WASF3: variants seen among roughly 807,000 people sequenced by gnomAD.
The protein encoded by WASF3 is WASP family member 3, also known as actin-binding protein WASF3.
A neutral mutation model predicts 46.6 loss-of-function variants in WASF3; 11 were observed. The ratio of observed to expected loss-of-function variants is 0.24; its 90% CI spans 0.15 to 0.39. WASF3 has a LOEUF of 0.39. Among genes scored for constraint, WASF3 ranks in the 10% least tolerant of loss-of-function variants. The pLI is 1.00. For synonymous variants in WASF3, 242 were observed against 259.7 expected (o/e 0.93, Z 0.65); for missense variants, 576 against 669.8 (o/e 0.86, Z 1.55).
chr13:26,653,963 A>G lies in WASF3; in HGVS notation c.134-11065A>G, dbSNP rs1299322615. ...TAGCAAGTGGAAGCTCTCCTCTTACAGTGCTTTTGATTGTCTTCTTTCTCT... is the reference window on the plus strand; with the variant it reads ...TAGCAAGTGGAAGCTCTCCTCTTACGGTGCTTTTGATTGTCTTCTTTCTCT... On this transcript the variant is annotated intron_variant, in intron 3 of 9. Coordinates refer to ENST00000335327, the MANE Select transcript of WASF3 (RefSeq NM_006646.6). Among the ~76,000 whole-genome samples, 4 of 152,310 alleles carry G rather than the reference A, an allele frequency of 2.6e-5. No individual in the cohort carries two copies. The East Asian group carries it at 7.7e-4, about 29-fold the overall frequency.
chr13:26,642,062 T>C, intron 2 of WASF3, 199 bp from the exon 3 acceptor site: 1 of 379,408 alleles, frequency 2.6e-6, no homozygotes, highest in Non-Finnish European at 4.6e-6. Flanking sequence ...GAAGTGAGAT[T>C]ATACTATACA....
intron 3 of WASF3, among the ~76,000 whole-genome samples, chr13:26,661,918 G>A (rs1882643551): frequency 6.6e-6 from 1 of 152,142 alleles, no homozygotes; most frequent in Admixed American, 6.5e-5. Context: ...AAGCACTTGG[G>A]CTTTGGTCTG....
intron 2 of WASF3, among the ~76,000 whole-genome samples, chr13:26,637,510 G>A (rs1347139658): frequency 6.6e-6 from 1 of 152,202 alleles, no homozygotes; most frequent in Admixed American, 6.5e-5. Flanking sequence ...AATTCAGATG[G>A]TGGCGAAGAC....
At chr13:26,665,744 TCAG>T (rs1882751621) in intron 4 of WASF3, among the ~76,000 whole-genome samples, 1 of 152,238 alleles carries the variant, frequency 6.6e-6, no homozygotes, top group South Asian at 2.1e-4. Flanking sequence ...CCTGAAATTG[TCAG>T]TTTCAACAAA....
In WASF3 at chr13:26,581,986, C is replaced by A. The variant is rs140806980; in HGVS notation, c.-109+24167C>A. On this transcript the variant is annotated intron_variant, in intron 1 of 9. Coordinates refer to ENST00000335327, the MANE Select transcript of WASF3 (RefSeq NM_006646.6). ...GTTTATAGACAGTAAATTCTATAAT[C>A]GATGAGCTTCCTCTTTAGAAGTTCT... Among the ~76,000 whole-genome samples, 366 of 152,276 alleles carry A rather than the reference C, an allele frequency of 2.4e-3. 2 individuals carry two copies. Among genetic ancestry groups the A allele is most frequent in the African/African-American group, 8.5e-3 (354 of 41,544 alleles).
the WASF3 span, among the ~76,000 whole-genome samples, chr13:26,548,796 G>A: frequency 6.6e-6 from 1 of 152,064 alleles, no homozygotes; most frequent in African/African-American, 2.4e-5. Flanking sequence ...CAGCCCTGCA[G>A]TGCCCTTCTC....
intron 2 of WASF3, among the ~76,000 whole-genome samples, chr13:26,636,518 C>T (rs1881826411): frequency 6.6e-6 from 1 of 152,388 alleles, no homozygotes; most frequent in Non-Finnish European, 1.5e-5. Flanking sequence ...GGGCTGCACC[C>T]ACTGTCCAAC....
chr13:26,682,722 A>C lies in WASF3; in HGVS notation c.1099A>C (p.Met367Leu). ...TAFVSPLQMPMQPPFPASASS... is the reference protein window; with the variant it reads ...TAFVSPLQMPLQPPFPASASS... ...CTTCGTCAGCCCTCTCCAGATGCCC[A>C]TGCAGCCCCCGTTCCCTGCATCAGC... Residue 367 changes from methionine (M) to leucine (L), a missense_variant, in exon 9 of 10, where the codon ATG (methionine) becomes CTG (leucine). Met to Leu is a conservative substitution (Grantham distance 15). Transcript: ENST00000335327. The surrounding 1 kb of genome is among the most constrained non-coding windows in gnomAD (Gnocchi z 4.4). The C allele has an allele frequency of 6.2e-7, 1 of 1,613,880 alleles. No homozygotes were observed. Among genetic ancestry groups the C allele is most frequent in the Non-Finnish European group, 8.5e-7 (1 of 1,179,980 alleles).
At chr13:26,665,653 AG>A (rs1882748824) in intron 4 of WASF3, among the ~76,000 whole-genome samples, 1 of 152,198 alleles carries the variant, frequency 6.6e-6, no homozygotes, top group Non-Finnish European at 1.5e-5. Flanking sequence ...ATTTACCGAA[AG>A]CCTTTAGGCT....
intron 1 of WASF3, among the ~76,000 whole-genome samples, chr13:26,598,235 C>T (rs1880534519): frequency 6.6e-6 from 1 of 152,144 alleles, no homozygotes; most frequent in Non-Finnish European, 1.5e-5. Flanking sequence ...AGCGTTTTTT[C>T]ATGTGTCTTT....
rs772660217 is a variant in WASF3, at chr13:26,671,854, C to A, written c.423-18C>A. The A allele has an allele frequency of 6.6e-7, 1 of 1,513,724 alleles. No homozygotes were observed. Among genetic ancestry groups the A allele is most frequent in the Admixed American group, 2.2e-5 (1 of 45,152 alleles). The allele number at this position is 1,513,724 out of a possible 1,614,324, so 93.8% of individuals were successfully genotyped here. ...TAACAATCTTTTCTTCCCTGACTTACAATACATTGATTTGTAGAGATGACA... is the reference window on the plus strand; with the variant it reads ...TAACAATCTTTTCTTCCCTGACTTAAAATACATTGATTTGTAGAGATGACA... On this transcript the variant is annotated intron_variant, in intron 5 of 9. Transcript: ENST00000335327.
At chr13:26,554,011 T>C (rs866462320), upstream of WASF3, among the ~76,000 whole-genome samples, 37 of 112,976 alleles carry the variant, frequency 3.3e-4, 2 homozygotes, top group Middle Eastern at 4.3e-3. Flanking sequence ...TCCTTTCCTT[T>C]CCTTCCCTTC....
chr13:26,597,313 T>A (rs1347319445), intron 1 of WASF3, among the ~76,000 whole-genome samples: 1 of 152,190 alleles, frequency 6.6e-6, no homozygotes, highest in African/African-American at 2.4e-5. Context: ...TTTTGTATTT[T>A]TAGTAGAGAT....
the WASF3 span, among the ~76,000 whole-genome samples, chr13:26,545,481 A>C: frequency 6.6e-6 from 1 of 151,764 alleles, no homozygotes; most frequent in African/African-American, 2.4e-5. Context: ...TTTACCTTTT[A>C]ATTCCTCGTT....
chr13:26,568,584 G>A (rs891452105), intron 1 of WASF3, among the ~76,000 whole-genome samples: 2 of 152,166 alleles, frequency 1.3e-5, no homozygotes, highest in East Asian at 1.9e-4. Flanking sequence ...AACCACGTGA[G>A]CAAGTGCTCA....
At chr13:26,681,352 C>T in intron 8 of WASF3, 32 bp downstream of exon 8, 4 of 1,517,274 alleles carry the variant, frequency 2.6e-6, no homozygotes, top group Non-Finnish European at 3.5e-6. Context: ...CCTAATCCCT[C>T]CTGGCCTTGC....
At chr13:26,668,004 G>A (rs963474978) in intron 5 of WASF3, among the ~76,000 whole-genome samples, 2 of 152,166 alleles carry the variant, frequency 1.3e-5, no homozygotes, top group African/African-American at 2.4e-5. Flanking sequence ...TTTTAGATTC[G>A]AAGTCAATTA....
At chr13:26,631,428 A>G (rs867960329) in intron 2 of WASF3, among the ~76,000 whole-genome samples, 7 of 152,210 alleles carry the variant, frequency 4.6e-5, no homozygotes, top group Non-Finnish European at 7.3e-5. Context: ...TTAAATAGGG[A>G]ATCCTTTCTC....
At chr13:26,649,033 T>C (rs17084428) in intron 3 of WASF3, among the ~76,000 whole-genome samples, 5,429 of 152,292 alleles carry the variant, frequency 0.036, 335 homozygotes, top group African/African-American at 0.12. Flanking sequence ...GAGCACAAGT[T>C]AGAGAGTCAG....
Sources: gnomAD v4.1 joint callset for allele counts (sites outside exome capture counted in the v4.1 genomes callset) on GRCh38, gnomAD v4.1.1 for gene constraint, Gnocchi (gnomAD v3.1) non-coding constraint, MANE v1.5 for transcripts, NCBI Gene and HGNC (gene_info 2026-07-23, HGNC 2026-07-21) for gene names.